Variants in SAMD4B observed in about 807,000 individuals in gnomAD.
The protein encoded by SAMD4B is sterile alpha motif domain containing 4B.
Under a neutral mutation model 74.5 loss-of-function variants are expected in SAMD4B, and 5 were observed. The observed-to-expected ratio is 0.07, with a 90% CI of 0.04 to 0.14. The LOEUF is 0.14. Ranked by LOEUF, SAMD4B falls within the 10% of genes least tolerant of loss-of-function variation. SAMD4B has a pLI of 1.00. For synonymous variants in SAMD4B, 373 were observed against 374.9 expected, an observed-to-expected ratio of 1.00 and a Z score of 0.06; for missense variants, 608 against 921.8, an observed-to-expected ratio of 0.66 and a Z score of 4.41.
intron 12 of SAMD4B, among the ~76,000 whole-genome samples, chr19:39,382,742 C>G (rs2078074940): frequency 1.3e-5 from 2 of 152,192 alleles, no homozygotes; most frequent in Non-Finnish European, 2.9e-5. Flanking sequence ...CCCCACCTGC[C>G]TGGCCTGCCT....
chr19:39,370,047 G>A lies in SAMD4B; in HGVS notation c.589G>A (p.Glu197Lys). The stretch of plus-strand genomic sequence containing the variant: ...AGGCTGGCAGGACAAGCCACCCCGG[G>A]AAAATGGACACGTGCCCTTCCACCC... Reference protein sequence around the residue: ...GPGWQDKPPRENGHVPFHPSS... With the variant: ...GPGWQDKPPRKNGHVPFHPSS... Residue 197 changes from glutamate (E) to lysine (K), a missense_variant, in exon 4 of 14, where the codon GAA (glutamate) becomes AAA (lysine). Around this residue, in one of 9 missense-constraint regions of SAMD4B, gnomAD observed 153 missense variants for 153.0 expected, o/e 1.00. Coordinates refer to ENST00000610417, the MANE Select transcript of SAMD4B (RefSeq NM_001384574.2). 6.2e-7 allele frequency: 1 copy of A among 1,612,308 alleles called. No homozygotes were observed. Among genetic ancestry groups the A allele is most frequent in the South Asian group, 1.1e-5 (1 of 90,748 alleles).
chr19:39,388,584 T>G (rs755885595), downstream of SAMD4B: 2 of 1,613,920 alleles, frequency 1.2e-6, no homozygotes, highest in Middle Eastern at 1.6e-4. Flanking sequence ...ATAGTCCATC[T>G]CCTCCTCCTG....
intron 10 of SAMD4B, 54 bp from the exon 11 acceptor site, chr19:39,380,533 G>A: frequency 6.3e-7 from 1 of 1,580,532 alleles, no homozygotes; most frequent in Non-Finnish European, 8.7e-7. Context: ...GGAAGGGGTG[G>A]ACAGATAGGC....
chr19:39,384,836 T>G lies in SAMD4B; in HGVS notation c.*1309T>G, dbSNP rs1157507621. 1 of 152,580 alleles carries G rather than the reference T, an allele frequency of 6.6e-6. No individual in the cohort carries two copies. Among genetic ancestry groups the G allele is most frequent in the African/African-American group, 2.4e-5 (1 of 41,408 alleles). 9.5% of individuals were successfully genotyped at this position (152,580 alleles called of 1,614,324 possible). Reference sequence around the variant, plus strand: ...TTTTTAGATACATTTTATGAATAACTTTTGTTATGAATATGGCTGGTAACC... The same window carrying G: ...TTTTTAGATACATTTTATGAATAACGTTTGTTATGAATATGGCTGGTAACC... On this transcript the variant is annotated 3_prime_UTR_variant, in exon 14 of 14. Transcript: ENST00000610417.
At chr19:39,360,890 C>T (rs191513612) in intron 3 of SAMD4B, among the ~76,000 whole-genome samples, 2 of 152,244 alleles carry the variant, frequency 1.3e-5, no homozygotes, top group African/African-American at 4.8e-5. Flanking sequence ...GGCCTGGGAA[C>T]GAGTACCCAG....
intron 3 of SAMD4B, among the ~76,000 whole-genome samples, chr19:39,357,449 G>T (rs1217270470): frequency 6.6e-6 from 1 of 152,196 alleles, no homozygotes; most frequent in Non-Finnish European, 1.5e-5. Flanking sequence ...GGATATCAGG[G>T]CTAGGAGGGA....
downstream of SAMD4B, chr19:39,389,206 T>C (rs1352959135): frequency 6.2e-7 from 1 of 1,613,556 alleles, no homozygotes; most frequent in South Asian, 1.1e-5. This position sits in a 1 kb window ranked among gnomAD's most constrained non-coding sequence, Gnocchi z 5.3. Context: ...ATCCTAGGAA[T>C]GAAGAAAAAG....
At position 39,383,951 on chromosome 19, in the gene SAMD4B, G is replaced by A. The variant is rs912816280; in HGVS notation, c.*424G>A. On this transcript the variant is annotated 3_prime_UTR_variant, in exon 14 of 14. Coordinates refer to ENST00000610417, the MANE Select transcript of SAMD4B (RefSeq NM_001384574.2). The surrounding 1 kb of genome is among the most constrained non-coding windows in gnomAD (Gnocchi z 4.1). ...AAACATTTGACATTTGGGGTGACGC[G>A]CAGGGCAGAGAACCTGCCCTCCAGA... The A allele has an allele frequency of 2.4e-5, 13 of 543,272 alleles. No homozygotes were observed. Among genetic ancestry groups the A allele is most frequent in the Non-Finnish European group, 3.3e-5 (10 of 305,444 alleles). The allele number at this position is 543,272 out of a possible 1,614,324, so 33.7% of individuals were successfully genotyped here. A position where few individuals can be genotyped will look rare whatever the true frequency, so the allele number is the denominator to read the frequency against.
chr19:39,377,845 G>A (rs4803232), intron 8 of SAMD4B, 21 bp downstream of exon 8: 1 of 1,549,162 alleles, frequency 6.5e-7, no homozygotes, highest in South Asian at 1.2e-5. Flanking sequence ...CCACAGCCTA[G>A]CAGGAAATCC....
Position 39,376,735 on chromosome 19 carries a change from G to T in SAMD4B, c.1048G>T (p.Ala350Ser), listed in dbSNP as rs2077620930. The T allele has an allele frequency of 6.2e-7, 1 of 1,614,240 alleles. No homozygotes were observed. The highest frequency in any genetic ancestry group is 2.2e-5 in the East Asian group (1 of 44,894). Residue 350 changes from alanine to serine, a missense_variant, in exon 7 of 14, where the codon GCC becomes TCC. Physicochemically the swap from Ala to Ser is moderately conservative, Grantham distance 99. Coordinates refer to ENST00000610417, the MANE Select transcript of SAMD4B (RefSeq NM_001384574.2). ...CACCAAAGGTGCCCGCCACAAGATAGCCCTGAGCATCCAGAAGCTGCGTGA... is the reference window on the plus strand; with the variant it reads ...CACCAAAGGTGCCCGCCACAAGATATCCCTGAGCATCCAGAAGCTGCGTGA... ...NVTKGARHKI[A>S]LSIQKLRERQ...
chr19:39,378,600 C>G lies in SAMD4B; in HGVS notation c.1530+11C>G. The G allele has an allele frequency of 6.2e-7, 1 of 1,611,622 alleles. No individual in the cohort carries two copies. Among genetic ancestry groups the G allele is most frequent in the Non-Finnish European group, 8.5e-7 (1 of 1,177,870 alleles). On this transcript the variant is annotated intron_variant, in intron 9 of 13. Coordinates refer to ENST00000610417, the MANE Select transcript of SAMD4B (RefSeq NM_001384574.2). The surrounding 1 kb of genome is among the most constrained non-coding windows in gnomAD (Gnocchi z 4.4). Reference sequence around the variant, plus strand: ...TGCCTGACTCATGAGGTAAGGCCTTCCCTAGCATACTCAAAAAGGGAAAGG... The same window carrying G: ...TGCCTGACTCATGAGGTAAGGCCTTGCCTAGCATACTCAAAAAGGGAAAGG...
downstream of SAMD4B, chr19:39,389,146 T>C: frequency 6.2e-7 from 1 of 1,614,190 alleles, no homozygotes; most frequent in East Asian, 2.2e-5. This position sits in a 1 kb window ranked among gnomAD's most constrained non-coding sequence, Gnocchi z 5.3. Flanking sequence ...TGGCTATCCC[T>C]GTCTTTGTAT....
At chr19:39,366,778 A>G (rs3865515) in intron 3 of SAMD4B, among the ~76,000 whole-genome samples, 9,244 of 152,116 alleles carry the variant, frequency 0.061, 447 homozygotes, top group African/African-American at 0.13. Flanking sequence ...TTTTAAGTCA[A>G]TCCTGAAGCA....
At chr19:39,353,537 T>C (rs1468194567) in intron 1 of SAMD4B, among the ~76,000 whole-genome samples, 10 of 152,194 alleles carry the variant, frequency 6.6e-5, no homozygotes, top group Non-Finnish European at 1.0e-4. Flanking sequence ...CATATTACTG[T>C]GTAGCTTATG....
At chr19:39,388,458 G>T (rs1568373809), downstream of SAMD4B, 2 of 1,614,016 alleles carry the variant, frequency 1.2e-6, no homozygotes, top group Non-Finnish European at 1.7e-6. Flanking sequence ...GAGCAATTTT[G>T]TAGTCATACC....
At chr19:39,387,204 T>C, downstream of SAMD4B, 1 of 438,958 alleles carries the variant, frequency 2.3e-6, no homozygotes, top group South Asian at 1.7e-5. Context: ...TACAAGGTTG[T>C]ACAGCATGTG....
In SAMD4B at chr19:39,375,843, G is replaced by A; in HGVS notation, c.861G>A (p.Gln287=). Residue 287 remains glutamine (Q), a synonymous_variant, in exon 5 of 14, where the codon CAG becomes CAA. Transcript: ENST00000610417. The surrounding 1 kb of genome is among the most constrained non-coding windows in gnomAD (Gnocchi z 4.1). ...CTGGCAGTGAGCAGACAGAGGAGCA[G>A]GGCTCCAGCCGGAACACCTTCCAGG... ...ASSGSEQTEE[Q]GSSRNTFQED... 6.2e-7 allele frequency: 1 copy of A among 1,612,658 alleles called. No homozygotes were observed. The highest frequency in any genetic ancestry group is 1.3e-5 in the African/African-American group (1 of 75,028).
downstream of SAMD4B, chr19:39,386,822 A>G (rs1242925440): frequency 6.5e-7 from 1 of 1,536,950 alleles, no homozygotes; most frequent in African/African-American, 1.4e-5. The surrounding 1 kb of genome is among the most constrained non-coding windows in gnomAD (Gnocchi z 6.1). Flanking sequence ...AATTTGGGAG[A>G]GAGAAGTGGA....
downstream of SAMD4B, chr19:39,386,538 G>A (rs761456502): frequency 1.5e-5 from 25 of 1,613,862 alleles, no homozygotes; most frequent in Middle Eastern, 3.3e-4. This position sits in a 1 kb window ranked among gnomAD's most constrained non-coding sequence, Gnocchi z 6.1. Context: ...TTCCTCCTCC[G>A]GTTCGTGGTT....
Sources: allele counts gnomAD v4.1 joint callset (sites outside exome capture counted in the v4.1 genomes callset), GRCh38; gene constraint gnomAD v4.1.1; regional missense constraint gnomAD v4.1.1; non-coding constraint Gnocchi (gnomAD v3.1); transcripts MANE v1.5; gene names NCBI Gene and HGNC (gene_info 2026-07-23, HGNC 2026-07-21).